The following MTUS2 variants were observed in gnomAD, a reference collection of about 807,000 sequenced individuals.
MTUS2 encodes the protein microtubule-associated tumor suppressor candidate 2.
Under a neutral mutation model 114.1 loss-of-function variants are expected in MTUS2, and 40 were observed. The ratio of observed to expected loss-of-function variants is 0.35; its 90% CI spans 0.27 to 0.46. The LOEUF (loss-of-function observed/expected upper bound fraction) is 0.46. MTUS2 is among the 20% of genes least tolerant of loss of function. The pLI, the probability that MTUS2 is intolerant of heterozygous loss-of-function variation, is 1.00. For synonymous variants in MTUS2, 688 were observed against 672.0 expected (o/e 1.02, Z -0.37); for missense variants, 1,679 against 1,705.4 (o/e 0.98, Z 0.27).
chr13:29,101,519 G>T (rs1321974394), intron 5 of MTUS2, among the ~76,000 whole-genome samples: 1 of 152,210 alleles, frequency 6.6e-6, no homozygotes, highest in Non-Finnish European at 1.5e-5. Flanking sequence ...CATTTCCTGA[G>T]ACTGGTATTG....
chr13:28,984,768 A>G (rs1186866217), intron 2 of MTUS2, among the ~76,000 whole-genome samples: 1 of 152,252 alleles, frequency 6.6e-6, no homozygotes, highest in African/African-American at 2.4e-5. Flanking sequence ...ATAACATGAC[A>G]TTCCTAAGGA....
chr13:29,117,057 C>G (rs774365580), intron 5 of MTUS2, among the ~76,000 whole-genome samples: 1 of 152,208 alleles, frequency 6.6e-6, no homozygotes, highest in Non-Finnish European at 1.5e-5. Context: ...AAGATTAACT[C>G]AGGCCCTTCT....
intron 8 of MTUS2, among the ~76,000 whole-genome samples, chr13:29,393,971 C>T (rs11839258): frequency 0.028 from 4,254 of 152,216 alleles, 218 homozygotes; most frequent in African/African-American, 0.098. Context: ...AGAGGTATGA[C>T]TTTGGACAGA....
intron 4 of MTUS2, among the ~76,000 whole-genome samples, chr13:29,043,017 T>G (rs1364163102): frequency 6.6e-6 from 1 of 152,122 alleles, no homozygotes; most frequent in Non-Finnish European, 1.5e-5. Flanking sequence ...TTGGGTTTGG[T>G]TTGTTCTTGT....
At chr13:29,038,187 A>G (rs1887172147) in intron 4 of MTUS2, among the ~76,000 whole-genome samples, 1 of 152,148 alleles carries the variant, frequency 6.6e-6, no homozygotes, top group Admixed American at 6.5e-5. Flanking sequence ...TGATCTTCAG[A>G]TGGGACATCT....
intron 7 of MTUS2, among the ~76,000 whole-genome samples, chr13:29,329,081 A>G (rs1209412180): frequency 6.6e-6 from 1 of 152,196 alleles, no homozygotes; most frequent in Non-Finnish European, 1.5e-5. Context: ...GCAGCTCATT[A>G]TATTTGTAAG....
At chr13:29,367,648 A>C (rs1870828818) in intron 8 of MTUS2, among the ~76,000 whole-genome samples, 1 of 152,172 alleles carries the variant, frequency 6.6e-6, no homozygotes, top group Non-Finnish European at 1.5e-5. Flanking sequence ...GCAGATACAG[A>C]GCCTGAGGCT....
At chr13:29,300,474 G>C (rs190812742) in intron 6 of MTUS2, among the ~76,000 whole-genome samples, 1 of 152,144 alleles carries the variant, frequency 6.6e-6, no homozygotes, top group Non-Finnish European at 1.5e-5. Context: ...TTCAACATTT[G>C]TATGTTTCAG....
intron 8 of MTUS2, among the ~76,000 whole-genome samples, chr13:29,362,776 C>A (rs1870375311): frequency 6.6e-6 from 1 of 152,132 alleles, no homozygotes; most frequent in African/African-American, 2.4e-5. Context: ...TATGCTGATG[C>A]CATTAATTTA....
chr13:28,904,734 C>A (rs566324605), intron 2 of MTUS2, among the ~76,000 whole-genome samples: 219 of 152,082 alleles, frequency 1.4e-3, no homozygotes, highest in African/African-American at 4.5e-3. Flanking sequence ...CTTGGCAATG[C>A]GGGCTGTTTT....
At chr13:28,910,770 C>T (rs1350197777) in intron 2 of MTUS2, among the ~76,000 whole-genome samples, 1 of 147,712 alleles carries the variant, frequency 6.8e-6, no homozygotes, top group Non-Finnish European at 1.5e-5. Context: ...TTTTCTTTAT[C>T]CAGTCTATCA....
intron 5 of MTUS2, among the ~76,000 whole-genome samples, chr13:29,124,229 C>T (rs1452488897): frequency 6.6e-6 from 1 of 152,030 alleles, no homozygotes; most frequent in African/African-American, 2.4e-5. Context: ...TTGGTTCTTT[C>T]CATTACAGGT....
chr13:29,181,681 T>G (rs1305185592), intron 5 of MTUS2, among the ~76,000 whole-genome samples: 1 of 152,164 alleles, frequency 6.6e-6, no homozygotes, highest in Non-Finnish European at 1.5e-5. Context: ...AATAATAAAT[T>G]CATATGAGTG....
chr13:28,837,416 CCGGTGGTCTGTAGACCCTAGTCTGATCA>C (rs1875166457), intron 1 of MTUS2, among the ~76,000 whole-genome samples: 1 of 152,172 alleles, frequency 6.6e-6, no homozygotes, highest in African/African-American at 2.4e-5. Flanking sequence ...TGTTTCCTGG[CCGGTGGTCTGTAGACCCTAGTCTGATCA>C]CAGTTGGTAA....
At chr13:29,214,621 C>T (rs1566070816) in intron 5 of MTUS2, among the ~76,000 whole-genome samples, 1 of 152,278 alleles carries the variant, frequency 6.6e-6, no homozygotes, top group South Asian at 2.1e-4. Flanking sequence ...ACTTATGAAG[C>T]TTAGTTTGCC....
chr13:29,428,637 G>C (rs1431316330), intron 8 of MTUS2: 48 of 362,364 alleles, frequency 1.3e-4, no homozygotes, highest in Non-Finnish European at 1.6e-4. Flanking sequence ...AGATCTGATC[G>C]CTGCTGCCCT....
chr13:28,891,959 C>G (rs1453479091), intron 2 of MTUS2, among the ~76,000 whole-genome samples: 2 of 151,960 alleles, frequency 1.3e-5, no homozygotes, highest in Non-Finnish European at 2.9e-5. Flanking sequence ...TAGCTTCTCC[C>G]CTAAGATCCG....
At chr13:29,293,753 TA>T (rs1898817348) in intron 6 of MTUS2, among the ~76,000 whole-genome samples, 1 of 152,056 alleles carries the variant, frequency 6.6e-6, no homozygotes. Flanking sequence ...ATGTAGTTAT[TA>T]AAAAATGAGA....
intron 9 of MTUS2, among the ~76,000 whole-genome samples, chr13:29,440,842 G>A (rs796618349): frequency 6.6e-6 from 1 of 152,100 alleles, no homozygotes; most frequent in South Asian, 2.1e-4. Flanking sequence ...AGCAATCCCA[G>A]GTGTCCTTGG....
Sources: gnomAD v4.1 joint callset for allele counts (sites outside exome capture counted in the v4.1 genomes callset) on GRCh38, gnomAD v4.1.1 for gene constraint, MANE v1.5 for transcripts, NCBI Gene and HGNC (gene_info 2026-07-23, HGNC 2026-07-21) for gene names.